The following ROR2 variants were observed in gnomAD, a reference collection of about 807,000 sequenced individuals.
ROR2 encodes the protein tyrosine-protein kinase transmembrane receptor ROR2.
ROR2 carries 33 observed loss-of-function variants against 74.9 expected under a neutral mutation model. The ratio of observed to expected loss-of-function variants is 0.44; its 90% CI spans 0.33 to 0.59. ROR2 has a LOEUF of 0.59. Ranked by LOEUF, ROR2 falls within the 20% of genes least tolerant of loss-of-function variation. The pLI, the probability that ROR2 is intolerant of heterozygous loss-of-function variation, is 0.02. For missense variants in ROR2, 1,216 were observed against 1,313.8 expected (o/e 0.93, Z 1.15); for synonymous variants, 586 against 558.7 (o/e 1.05, Z -0.69).
intron 1 of ROR2, among the ~76,000 whole-genome samples, chr9:91,834,091 G>C (rs1200046898): frequency 6.6e-6 from 1 of 152,164 alleles, no homozygotes; most frequent in African/African-American, 2.4e-5. Flanking sequence ...AGTAAAAACA[G>C]GTCTCGGGTT....
chr9:91,845,461 T>C (rs73651579), intron 1 of ROR2, among the ~76,000 whole-genome samples: 19,070 of 152,076 alleles, frequency 0.13, 2,699 homozygotes, highest in African/African-American at 0.35. Context: ...AGGACAAGCA[T>C]ATGCACTAGG....
intron 1 of ROR2, among the ~76,000 whole-genome samples, chr9:91,927,804 T>C (rs1287764263): frequency 6.6e-6 from 1 of 152,052 alleles, no homozygotes; most frequent in Non-Finnish European, 1.5e-5. Context: ...GCTCAGGCAA[T>C]CCACCCTCCT....
chr9:91,943,707 T>A (rs1003618234), intron 1 of ROR2, among the ~76,000 whole-genome samples: 1 of 152,226 alleles, frequency 6.6e-6, no homozygotes, highest in Non-Finnish European at 1.5e-5. Flanking sequence ...AACATTACGG[T>A]TTCTTTTCCC....
chr9:91,892,052 G>GAAAAAAAAAA (rs74312809), intron 1 of ROR2, among the ~76,000 whole-genome samples: 1 of 71,030 alleles, frequency 1.4e-5, no homozygotes, highest in African/African-American at 3.7e-5. Flanking sequence ...TGTCTAAGAA[G>GAAAAAAAAAA]AAAAAAAAAA....
intron 1 of ROR2, among the ~76,000 whole-genome samples, chr9:91,787,319 T>C (rs1826836105): frequency 6.6e-6 from 1 of 152,124 alleles, no homozygotes; most frequent in South Asian, 2.1e-4. Flanking sequence ...AAGACCAGCC[T>C]GCATAATATG....
chr9:91,867,656 CTGTGTGTGTGTG>C (rs57475950), intron 1 of ROR2, among the ~76,000 whole-genome samples: 1,436 of 131,374 alleles, frequency 0.011, 23 homozygotes, highest in African/African-American at 0.037. Flanking sequence ...CACCCATGAG[CTGTGTGTGTGTG>C]TGTGTGTGTG....
At chr9:91,848,838 G>GA (rs911375415) in intron 1 of ROR2, among the ~76,000 whole-genome samples, 22 of 151,790 alleles carry the variant, frequency 1.4e-4, no homozygotes, top group Non-Finnish European at 2.2e-4. Context: ...CATGCTGGCT[G>GA]AGAGTTGGGA....
intron 2 of ROR2, among the ~76,000 whole-genome samples, chr9:91,768,618 C>A (rs1043413012): frequency 6.6e-6 from 1 of 152,176 alleles, no homozygotes; most frequent in Non-Finnish European, 1.5e-5. Flanking sequence ...CCCCGCTGGG[C>A]GCAGGTTGTC....
rs542881869 is a variant in ROR2 at position 91,815,568 on chromosome 9, C to T, written c.98-39750G>A. Among the ~76,000 whole-genome samples the T allele has an allele frequency of 7.9e-5, 12 of 152,348 alleles. No homozygotes were observed. In the South Asian group the frequency reaches 8.3e-4, roughly 11 times the overall value. On this transcript the variant is annotated intron_variant, in intron 1 of 8. Transcript: ENST00000375708. ...CATATAGTGAGTTACAGGATTTTCA[C>T]TAATCCTCAAATAAACAGTGTAAAT...
chr9:91,917,495 G>C (rs996335116), intron 1 of ROR2, among the ~76,000 whole-genome samples: 4 of 152,122 alleles, frequency 2.6e-5, no homozygotes, highest in Non-Finnish European at 5.9e-5. Context: ...GGGCACCCCT[G>C]GGCCACACCC....
chr9:91,881,394 T>C (rs1587816259), intron 1 of ROR2, among the ~76,000 whole-genome samples: 1 of 152,210 alleles, frequency 6.6e-6, no homozygotes, highest in Non-Finnish European at 1.5e-5. Context: ...TCTTAGAAAC[T>C]CCAACTTTAA....
intron 1 of ROR2, among the ~76,000 whole-genome samples, chr9:91,887,465 A>C (rs1830314043): frequency 1.3e-5 from 2 of 152,236 alleles, no homozygotes; most frequent in African/African-American, 4.8e-5. Context: ...GCTCAATGCT[A>C]AGCTGTGAGA....
At chr9:91,917,027 G>A (rs974690459) in intron 1 of ROR2, among the ~76,000 whole-genome samples, 54 of 152,126 alleles carry the variant, frequency 3.5e-4, no homozygotes, top group African/African-American at 1.1e-3. Context: ...TTAATTCCCC[G>A]TGTTTATTCA....
At chr9:91,754,878 G>A (rs1825696874) in intron 4 of ROR2, among the ~76,000 whole-genome samples, 1 of 152,190 alleles carries the variant, frequency 6.6e-6, no homozygotes, top group Non-Finnish European at 1.5e-5. Flanking sequence ...TAGGTCAGGT[G>A]TGGTGGCACA....
chr9:91,859,574 G>A (rs554622891), intron 1 of ROR2, among the ~76,000 whole-genome samples: 1 of 152,258 alleles, frequency 6.6e-6, no homozygotes, highest in East Asian at 1.9e-4. Flanking sequence ...TGTAATCCCA[G>A]CACTTTGGGA....
In ROR2 at chr9:91,824,661, G is replaced by A. The variant is rs563559356; in HGVS notation, c.98-48843C>T. ...AGCAGGCACATCTGGGAGTGCCCGG[G>A]AACTCCCCCACCCGAGGCAGCTGTC... On this transcript the variant is annotated intron_variant, in intron 1 of 8. Coordinates refer to ENST00000375708, the MANE Select transcript of ROR2 (RefSeq NM_004560.4). Among the ~76,000 whole-genome samples, 4 of 152,262 alleles carry A rather than the reference G, an allele frequency of 2.6e-5. No homozygotes were observed. The South Asian group carries it at 8.3e-4, about 32-fold the overall frequency.
At chr9:91,769,747 C>T (rs900941824) in intron 2 of ROR2, among the ~76,000 whole-genome samples, 4 of 152,162 alleles carry the variant, frequency 2.6e-5, no homozygotes, top group African/African-American at 4.8e-5. Flanking sequence ...CGCTCACTCC[C>T]GTCCCGGCCC....
At chr9:91,880,139 A>G (rs1446780819) in intron 1 of ROR2, among the ~76,000 whole-genome samples, 2 of 152,096 alleles carry the variant, frequency 1.3e-5, no homozygotes, top group East Asian at 3.9e-4. Flanking sequence ...GGTGGGCCCC[A>G]ATGCAGTATG....
chr9:91,936,969 G>A (rs949479879), intron 1 of ROR2, among the ~76,000 whole-genome samples: 2 of 141,218 alleles, frequency 1.4e-5, no homozygotes, highest in East Asian at 4.3e-4. Flanking sequence ...GGCGGAGCTT[G>A]CAGTGAGCCG....
Sources: allele counts gnomAD v4.1 joint callset (sites outside exome capture counted in the v4.1 genomes callset), GRCh38; gene constraint gnomAD v4.1.1; transcripts MANE v1.5; gene names NCBI Gene and HGNC (gene_info 2026-07-23, HGNC 2026-07-21).